The following KCNH5 variants were observed in gnomAD, a reference collection of about 807,000 sequenced individuals.
KCNH5 encodes voltage-gated delayed rectifier potassium channel KCNH5.
In KCNH5, 46 loss-of-function variants were observed where a neutral mutation model predicts 96.1. The ratio of observed to expected loss-of-function variants is 0.48; its 90% confidence interval spans 0.38 to 0.61. KCNH5 has a LOEUF of 0.61. Among genes scored for constraint, KCNH5 ranks in the 20% least tolerant of loss-of-function variants. The probability of loss-of-function intolerance (pLI) is 0.00; values close to 1 mark genes in which losing one functional copy is unlikely to be tolerated. For missense variants in KCNH5, 907 were observed against 1,225.8 expected (o/e 0.74, Z 3.88); for synonymous variants, 439 against 449.8 (o/e 0.98, Z 0.30).
chr14:63,006,233 G>A (rs1228537021), intron 3 of KCNH5, 133 bp downstream of exon 3: 5 of 443,992 alleles, frequency 1.1e-5, no homozygotes, highest in Admixed American at 3.9e-5. Context: ...AATTTCACCA[G>A]CAACCTCTGC....
chr14:62,862,370 T>G (rs938762089), intron 7 of KCNH5, among the ~76,000 whole-genome samples: 1 of 152,166 alleles, frequency 6.6e-6, no homozygotes, highest in South Asian at 2.1e-4. Context: ...AGAAATCATG[T>G]CTTAATATGT....
chr14:62,914,888 G>C (rs1256917981), intron 7 of KCNH5, among the ~76,000 whole-genome samples: 1 of 152,260 alleles, frequency 6.6e-6, no homozygotes, highest in Non-Finnish European at 1.5e-5. Flanking sequence ...GTGAGGACAG[G>C]CTGGAAGCGA....
At chr14:62,961,909 G>GAT (rs1890216841) in intron 6 of KCNH5, among the ~76,000 whole-genome samples, 1 of 150,898 alleles carries the variant, frequency 6.6e-6, no homozygotes, top group African/African-American at 2.5e-5. Context: ...TGATGCAGAT[G>GAT]GAGATGGAGA....
At chr14:63,007,917 G>A (rs1422106996) in intron 2 of KCNH5, among the ~76,000 whole-genome samples, 3 of 152,040 alleles carry the variant, frequency 2.0e-5, no homozygotes, top group Non-Finnish European at 4.4e-5. Flanking sequence ...AGAGAACCTT[G>A]GCAAAAGTCT....
intron 4 of KCNH5, among the ~76,000 whole-genome samples, chr14:62,995,946 C>T (rs1890898693): frequency 6.6e-6 from 1 of 151,962 alleles, no homozygotes; most frequent in Non-Finnish European, 1.5e-5. Flanking sequence ...ATAAAATATT[C>T]CTGTAAGAGT....
chr14:62,987,909 A>G (rs1890740347), intron 4 of KCNH5, among the ~76,000 whole-genome samples: 1 of 152,124 alleles, frequency 6.6e-6, no homozygotes, highest in African/African-American at 2.4e-5. Context: ...AACAAATCTT[A>G]CTTTTTATGG....
In KCNH5 at chr14:62,706,662, G is replaced by T. The variant is rs1199816659; in HGVS notation, c.*846C>A. ...AAATTTAGAGCATTTATCAGCTTTG[G>T]AAATTCAGCATCTCTTACATGAATT... On this transcript the variant is annotated 3_prime_UTR_variant, in exon 11 of 11. Coordinates refer to ENST00000322893, the MANE Select transcript of KCNH5 (RefSeq NM_139318.5). 1 of 151,894 alleles carries T rather than the reference G, an allele frequency of 6.6e-6. No individual in the cohort carries two copies. The highest frequency in any genetic ancestry group is 1.5e-5 in the Non-Finnish European group (1 of 67,938). The allele number at this position is 151,894 out of a possible 1,614,324, so 9.4% of individuals were successfully genotyped here.
intron 1 of KCNH5, among the ~76,000 whole-genome samples, chr14:63,031,276 T>G (rs1891621066): frequency 6.6e-6 from 1 of 152,118 alleles, no homozygotes; most frequent in Non-Finnish European, 1.5e-5. Context: ...ATAGAGCAAT[T>G]TATTCAGACA....
intron 7 of KCNH5, among the ~76,000 whole-genome samples, chr14:62,858,901 A>G (rs748046451): frequency 3.3e-5 from 5 of 152,194 alleles, no homozygotes; most frequent in Non-Finnish European, 5.9e-5. Flanking sequence ...CCACCATTCT[A>G]TTCATCCAGC....
chr14:62,874,946 C>T (rs11158458), intron 7 of KCNH5, among the ~76,000 whole-genome samples: 9,422 of 135,982 alleles, frequency 0.069, 355 homozygotes, highest in East Asian at 0.2. Context: ...AAAACCCCAT[C>T]GTCTCAGCCC....
intron 4 of KCNH5, among the ~76,000 whole-genome samples, chr14:62,997,254 A>G (rs1442171680): frequency 6.6e-6 from 1 of 152,212 alleles, no homozygotes; most frequent in African/African-American, 2.4e-5. Context: ...GAGTAGAAGG[A>G]TGGTTACAAG....
intron 7 of KCNH5, among the ~76,000 whole-genome samples, chr14:62,885,300 C>A (rs570500952): frequency 2.6e-5 from 4 of 152,260 alleles, no homozygotes; most frequent in Admixed American, 2.6e-4. Context: ...AGCTCTAAGA[C>A]AATTATGTTA....
At chr14:63,004,552 A>G (rs1891090519) in intron 3 of KCNH5, among the ~76,000 whole-genome samples, 1 of 152,248 alleles carries the variant, frequency 6.6e-6, no homozygotes, top group Non-Finnish European at 1.5e-5. Flanking sequence ...TGTAAAATTC[A>G]AGTAATTACT....
chr14:62,964,143 C>T (rs1443945040), intron 6 of KCNH5, among the ~76,000 whole-genome samples: 1 of 152,010 alleles, frequency 6.6e-6, no homozygotes, highest in Non-Finnish European at 1.5e-5. Context: ...TTTTCAGGCT[C>T]ACTTCCCTAA....
At chr14:62,986,095 T>C (rs1890701998) in intron 5 of KCNH5, among the ~76,000 whole-genome samples, 1 of 152,144 alleles carries the variant, frequency 6.6e-6, no homozygotes, top group African/African-American at 2.4e-5. Context: ...CTGACAACCG[T>C]GGTCATGCTA....
chr14:62,774,310 T>C (rs527856705), intron 10 of KCNH5, among the ~76,000 whole-genome samples: 1 of 152,182 alleles, frequency 6.6e-6, no homozygotes, highest in Non-Finnish European at 1.5e-5. Context: ...ATATTCAGCA[T>C]CAACCCACCT....
At chr14:62,990,196 G>T (rs1261588004) in intron 4 of KCNH5, among the ~76,000 whole-genome samples, 3 of 151,982 alleles carry the variant, frequency 2.0e-5, no homozygotes, top group Non-Finnish European at 4.4e-5. Context: ...TCATCAAATG[G>T]CATGTTTTCT....
chr14:62,862,375 A>G (rs1296967126), intron 7 of KCNH5, among the ~76,000 whole-genome samples: 1 of 152,180 alleles, frequency 6.6e-6, no homozygotes, highest in African/African-American at 2.4e-5. Context: ...TCATGTCTTA[A>G]TATGTCTTCT....
chr14:62,913,288 T>C (rs1475256413), intron 7 of KCNH5, among the ~76,000 whole-genome samples: 1 of 152,008 alleles, frequency 6.6e-6, no homozygotes. Flanking sequence ...AGTGCAGTGG[T>C]GCGATCTCGG....
Sources: gnomAD v4.1 joint callset for allele counts (sites outside exome capture counted in the v4.1 genomes callset) on GRCh38, gnomAD v4.1.1 for gene constraint, MANE v1.5 for transcripts, NCBI Gene and HGNC (gene_info 2026-07-23, HGNC 2026-07-21) for gene names.